The following DUOX2 variants were observed in gnomAD, a reference collection of about 807,000 sequenced individuals.
DUOX2 encodes the protein dual oxidase 2, also known as NADH/NADPH thyroid oxidase p138-tox.
DUOX2 carries 185 observed loss-of-function variants against 183.3 expected under a neutral mutation model. The observed-to-expected ratio is 1.01, with a 90% confidence interval of 0.90 to 1.14. DUOX2 has a LOEUF of 1.14. Among genes scored for constraint, DUOX2 ranks in the 50% most tolerant of loss-of-function variants. The probability of loss-of-function intolerance (pLI) is 0.00; values close to 1 mark genes in which losing one functional copy is unlikely to be tolerated. For synonymous variants in DUOX2, 788 were observed against 812.4 expected (o/e 0.97, Z 0.51); for missense variants, 1,999 against 2,022.9 (o/e 0.99, Z 0.23).
chr15:45,103,930 G>T, intron 20 of DUOX2, 30 bp downstream of exon 20: 1 of 1,611,490 alleles, frequency 6.2e-7, no homozygotes, highest in Non-Finnish European at 8.5e-7. Flanking sequence ...ACACCAGGAA[G>T]TCTCAGGATT....
rs746184456 is a variant in DUOX2, at chr15:45,108,228, G to T, written c.1399-6C>A. Reference sequence around the variant, plus strand: ...GCAGCTGTGGCCTCCAGCACCTGGGGCACCACAGGAGATAAGGGGTGAGCG... The same window carrying T: ...GCAGCTGTGGCCTCCAGCACCTGGGTCACCACAGGAGATAAGGGGTGAGCG... On this transcript the variant is annotated splice_polypyrimidine_tract_variant and splice_region_variant and intron_variant, in intron 12 of 33. Transcript: ENST00000389039. The T allele has an allele frequency of 1.2e-6, 2 of 1,614,044 alleles. No individual in the cohort carries two copies. The highest frequency in any genetic ancestry group is 1.1e-5 in the South Asian group (1 of 91,090).
chr15:45,109,433 G>C (rs188619129), intron 11 of DUOX2, 91 bp downstream of exon 11: 1 of 1,075,556 alleles, frequency 9.3e-7, no homozygotes, highest in East Asian at 2.4e-5. Flanking sequence ...TTCCTGCATC[G>C]TGAGCGCCCT....
intron 12 of DUOX2, 75 bp from the exon 13 acceptor site, chr15:45,108,297 G>T (rs1024093033): frequency 1.3e-6 from 2 of 1,556,650 alleles, no homozygotes. Flanking sequence ...CATCCCTCGG[G>T]CACAGAACCT....
intron 11 of DUOX2, 29 bp from the exon 12 acceptor site, chr15:45,108,981 G>T: frequency 6.2e-7 from 1 of 1,613,566 alleles, no homozygotes; most frequent in Non-Finnish European, 8.5e-7. Context: ...TAGACTATGG[G>T]CTTTGTCCTC....
chr15:45,110,120 G>C, intron 9 of DUOX2, 140 bp from the exon 10 acceptor site: 1 of 830,176 alleles, frequency 1.2e-6, no homozygotes, highest in South Asian at 1.4e-5. Context: ...CAGAGATTTG[G>C]TGATGTGCGT....
rs541614150 is a variant in DUOX2 at position 45,106,134 on chromosome 15, C to A, written c.2139G>T (p.Glu713Asp). 1 of 1,614,198 alleles carries A rather than the reference C, an allele frequency of 6.2e-7. No homozygotes were observed. Among genetic ancestry groups the A allele is most frequent in the East Asian group, 2.2e-5 (1 of 44,886 alleles). ...CRTLLLKIPK[E>D]YDLVLLFSSE... ...GCAGGACGAGCCATACCAGGTCATA[C>A]TCCTTAGGGATCTTGAGCAGCAGGG... The change falls in exon 17 of 34, where the codon GAG (glutamate) becomes GAT (aspartate). Residue 713 changes from glutamate (E) to aspartate (D), a missense_variant. By Grantham distance (45) the Glu-to-Asp change is conservative. Around this residue, in one of 3 missense-constraint regions of DUOX2, gnomAD observed 1,628 missense variants for 1,608.6 expected, o/e 1.01. Coordinates refer to ENST00000389039, the MANE Select transcript of DUOX2 (RefSeq NM_001363711.2).
chr15:45,098,497 G>A (rs772889514), intron 26 of DUOX2, among the ~76,000 whole-genome samples: 1 of 152,208 alleles, frequency 6.6e-6, no homozygotes, highest in Non-Finnish European at 1.5e-5. Flanking sequence ...ATAAATGTCT[G>A]TCCAGTGAAT....
chr15:45,102,315 C>T (rs1482128120), intron 20 of DUOX2, among the ~76,000 whole-genome samples: 1 of 152,200 alleles, frequency 6.6e-6, no homozygotes, highest in Non-Finnish European at 1.5e-5. Flanking sequence ...GCTCTCTGTC[C>T]ACTCTCTTCT....
intron 12 of DUOX2, 43 bp from the exon 13 acceptor site, chr15:45,108,265 C>A: frequency 6.2e-7 from 1 of 1,607,704 alleles, no homozygotes; most frequent in Non-Finnish European, 8.5e-7. Flanking sequence ...ATGTTTGCTG[C>A]GGAGGGCAGC....
At position 45,095,938 on chromosome 15, in the gene DUOX2, G is replaced by C. The variant is rs768317705; in HGVS notation, c.3970C>G (p.Pro1324Ala). The change falls in exon 30 of 34, where the codon CCC (proline) becomes GCC (alanine). Residue 1324 changes from proline to alanine, a missense_variant. Pro to Ala is a conservative substitution (Grantham distance 27, BLOSUM62 -1). Coordinates refer to ENST00000389039, the MANE Select transcript of DUOX2 (RefSeq NM_001363711.2). ...TGCAGGCTGAGTGTGTCCTCATGGG[G>C]CGCGGAGGTCAGTGTGAAGGGGTGG... ...EYHPFTLTSA[P>A]HEDTLSLHIR... The C allele has an allele frequency of 1.2e-6, 2 of 1,614,040 alleles. No individual in the cohort carries two copies. The highest frequency in any genetic ancestry group is 1.7e-6 in the Non-Finnish European group (2 of 1,180,014).
chr15:45,099,529 A>G (rs1421607137), intron 25 of DUOX2, 47 bp from the exon 26 acceptor site: 1 of 1,591,062 alleles, frequency 6.3e-7, no homozygotes, highest in African/African-American at 1.3e-5. Context: ...GACAGACTCT[A>G]CCTCCGATCC....
intron 17 of DUOX2, 26 bp from the exon 18 acceptor site, chr15:45,105,854 C>G (rs749228365): frequency 6.2e-7 from 1 of 1,613,512 alleles, no homozygotes; most frequent in Non-Finnish European, 8.5e-7. Context: ...GCGGCACTGA[C>G]GCAGGGAGCT....
rs1894250577 is a variant in DUOX2, at chr15:45,107,456, A to T, written c.1582T>A (p.Ser528Thr). 1 of 1,614,002 alleles carries T rather than the reference A, an allele frequency of 6.2e-7. No individual in the cohort carries two copies. The highest frequency in any genetic ancestry group is 1.3e-5 in the African/African-American group (1 of 74,916). Reference sequence around the variant, plus strand: ...CGGATGTCTTCAATCTCCTTCTTGGAGAACAGCCTAAGTTGGAGGAAGTAG... The same window carrying T: ...CGGATGTCTTCAATCTCCTTCTTGGTGAACAGCCTAAGTTGGAGGAAGTAG... ...WFENTRNGLF[S>T]KKEIEDIRNT... Residue 528 changes from serine to threonine, a missense_variant, in exon 14 of 34, where the codon TCC becomes ACC. Coordinates refer to ENST00000389039, the MANE Select transcript of DUOX2 (RefSeq NM_001363711.2).
chr15:45,097,373 AG>A lies in DUOX2; in HGVS notation c.3711del (p.Tyr1238MetfsTer3), dbSNP rs774959435. The A allele has an allele frequency of 3.1e-6, 5 of 1,614,252 alleles. No individual in the cohort carries two copies. Among genetic ancestry groups the A allele is most frequent in the Non-Finnish European group, 4.2e-6 (5 of 1,180,046 alleles). On this transcript the variant is annotated frameshift_variant, in exon 29 of 34. Coordinates refer to ENST00000389039, the MANE Select transcript of DUOX2 (RefSeq NM_001363711.2). LOFTEE classifies it high-confidence loss of function. ...AAAGTGGGCAGCTGGATCAGAGCAT[AG>A]CTGCCATGGATGATGAGCTGGAGAC... is the stretch of plus-strand genomic sequence containing the variant. ...LLYALLIIHGSYALIQLPTFH... is the reference protein window; with the variant it reads ...LLYALLIIHGXYALIQLPTFH...
chr15:45,104,409 A>C, intron 18 of DUOX2, 44 bp from the exon 19 acceptor site: 1 of 1,596,584 alleles, frequency 6.3e-7, no homozygotes, highest in South Asian at 1.1e-5. Flanking sequence ...GAAGGAGGTG[A>C]AGCCTATGCT....
At chr15:45,107,970 G>A in intron 13 of DUOX2, 77 bp downstream of exon 13, 2 of 1,545,508 alleles carry the variant, frequency 1.3e-6, no homozygotes, top group Non-Finnish European at 1.8e-6. Context: ...GGCTCATAGG[G>A]GCTGTCTAAG....
At position 45,104,341 on chromosome 15, in the gene DUOX2, C is replaced by T. The variant is rs774230240; in HGVS notation, c.2359G>A (p.Ala787Thr). 11 of 1,613,712 alleles carry T rather than the reference C, an allele frequency of 6.8e-6. No homozygotes were observed. The highest frequency in any genetic ancestry group is 1.3e-5 in the African/African-American group (1 of 74,920). ...GAGGAGTCCAGGGGCAGGGTCCCTGCGTCGGCCTGGTTGATGTCCAGCACC... is the reference window on the plus strand; with the variant it reads ...GAGGAGTCCAGGGGCAGGGTCCCTGTGTCGGCCTGGTTGATGTCCAGCACC... ...AQVLDINQADAGTLPLDSSQK... is the reference protein window; with the variant it reads ...AQVLDINQADTGTLPLDSSQK... Residue 787 changes from alanine to threonine, a missense_variant, in exon 19 of 34, where the codon GCA becomes ACA. Coordinates refer to ENST00000389039, the MANE Select transcript of DUOX2 (RefSeq NM_001363711.2).
chr15:45,096,634 A>C (rs1295632557), intron 29 of DUOX2, among the ~76,000 whole-genome samples: 2 of 152,192 alleles, frequency 1.3e-5, no homozygotes, highest in Non-Finnish European at 2.9e-5. Flanking sequence ...TCATTGAAAA[A>C]GGAGATCAGC....
chr15:45,107,990 A>G, intron 13 of DUOX2, 57 bp downstream of exon 13: 2 of 1,601,194 alleles, frequency 1.2e-6, no homozygotes, highest in South Asian at 1.1e-5. Flanking sequence ...GGCTAGACAG[A>G]GGGTCTGGGG....
Sources: allele counts gnomAD v4.1 joint callset (sites outside exome capture counted in the v4.1 genomes callset), GRCh38; gene constraint gnomAD v4.1.1; regional missense constraint gnomAD v4.1.1; transcripts MANE v1.5; gene names NCBI Gene and HGNC (gene_info 2026-07-23, HGNC 2026-07-21).